The following NRXN1 variants were observed in gnomAD, a reference collection of about 807,000 sequenced individuals.
NRXN1 encodes neurexin-1.
NRXN1 carries 39 observed loss-of-function variants against 150.9 expected under a neutral mutation model. That is an observed-to-expected ratio of 0.26 (90% CI 0.20 to 0.34). NRXN1 has a LOEUF of 0.34. NRXN1 is among the 10% of genes least tolerant of loss of function. The pLI, the probability that NRXN1 is intolerant of heterozygous loss-of-function variation, is 1.00. For synonymous variants in NRXN1, 924 were observed against 757.0 expected, an observed-to-expected ratio of 1.22 and a Z score of -3.62; for missense variants, 1,815 against 1,949.9, an observed-to-expected ratio of 0.93 and a Z score of 1.30.
chr2:50,875,386 G>A (rs1336767297), intron 5 of NRXN1, among the ~76,000 whole-genome samples: 1 of 151,654 alleles, frequency 6.6e-6, no homozygotes, highest in South Asian at 2.1e-4. Flanking sequence ...CTCCAACCAT[G>A]AGACAATCCA....
In NRXN1 at chr2:50,179,528, G is replaced by C. The variant is rs73932975; in HGVS notation, c.3546+57261C>G. Among the ~76,000 whole-genome samples the C allele has an allele frequency of 8.9e-3, 1,349 of 152,202 alleles. 21 individuals carry two copies. Among genetic ancestry groups the C allele is most frequent in the African/African-American group, 0.031 (1,290 of 41,560 alleles). ...TTCCCCATCCCTTCTCTAAAGGTTA[G>C]CTGCTATTTTCTGAAAATGATATTG... On this transcript the variant is annotated intron_variant, in intron 18 of 22. Coordinates refer to ENST00000401669, the MANE Select transcript of NRXN1 (RefSeq NM_001330078.2).
At chr2:50,633,283 T>C (rs1682661872) in intron 5 of NRXN1, among the ~76,000 whole-genome samples, 1 of 152,084 alleles carries the variant, frequency 6.6e-6, no homozygotes, top group Non-Finnish European at 1.5e-5. Flanking sequence ...GCAAGAAATA[T>C]ATACTGCTAA....
intron 5 of NRXN1, among the ~76,000 whole-genome samples, chr2:50,894,263 A>C: frequency 6.7e-6 from 1 of 149,504 alleles, no homozygotes; most frequent in Non-Finnish European, 1.5e-5. Context: ...TAAATAAATA[A>C]ATAAATAAAT....
intron 17 of NRXN1, among the ~76,000 whole-genome samples, chr2:50,385,995 A>G (rs1306842360): frequency 1.3e-5 from 2 of 152,056 alleles, no homozygotes; most frequent in African/African-American, 4.8e-5. Flanking sequence ...ACTAAAATAA[A>G]TAACTAAATA....
intron 2 of NRXN1, among the ~76,000 whole-genome samples, chr2:51,003,907 T>G (rs1700373540): frequency 6.6e-6 from 1 of 151,960 alleles, no homozygotes; most frequent in South Asian, 2.1e-4. Context: ...CCATTTTAAC[T>G]GTCATCTTTT....
At chr2:50,376,224 A>G (rs1243740620) in intron 17 of NRXN1, among the ~76,000 whole-genome samples, 1 of 152,086 alleles carries the variant, frequency 6.6e-6, no homozygotes, top group Non-Finnish European at 1.5e-5. Flanking sequence ...GACACAGTAC[A>G]AGTATTTCCT....
intron 15 of NRXN1, among the ~76,000 whole-genome samples, chr2:50,492,476 T>C (rs1182312520): frequency 2.0e-5 from 3 of 152,184 alleles, no homozygotes; most frequent in East Asian, 3.8e-4. Flanking sequence ...TTCAAAGTTC[T>C]ACACTAAAGT....
At chr2:50,255,354 T>G (rs188646934) in intron 17 of NRXN1, among the ~76,000 whole-genome samples, 287 of 152,336 alleles carry the variant, frequency 1.9e-3, no homozygotes, top group Non-Finnish European at 3.6e-3. Context: ...CATGTGAAGA[T>G]TATAACTATG....
chr2:50,386,678 G>A (rs940039357), intron 17 of NRXN1, among the ~76,000 whole-genome samples: 3 of 152,136 alleles, frequency 2.0e-5, no homozygotes, highest in Non-Finnish European at 4.4e-5. Context: ...AGGATACCAA[G>A]TTGCAATGGA....
intron 2 of NRXN1, among the ~76,000 whole-genome samples, chr2:50,995,714 T>A (rs932732650): frequency 1.3e-5 from 2 of 151,412 alleles, no homozygotes; most frequent in Non-Finnish European, 2.9e-5. Flanking sequence ...TAGCACCCCA[T>A]CTAGTAGTTT....
chr2:50,760,577 G>A (rs926836833), intron 5 of NRXN1, among the ~76,000 whole-genome samples: 3 of 151,476 alleles, frequency 2.0e-5, no homozygotes, highest in Non-Finnish European at 2.9e-5. Context: ...CTCCTTTCTT[G>A]TTAAGGTACT....
intron 5 of NRXN1, among the ~76,000 whole-genome samples, chr2:50,635,582 G>T (rs746800112): frequency 1.3e-5 from 2 of 152,080 alleles, no homozygotes; most frequent in Admixed American, 6.5e-5. Context: ...TCATGCATTG[G>T]GAATGCAGAA....
intron 17 of NRXN1, among the ~76,000 whole-genome samples, chr2:50,426,212 T>C (rs2084474223): frequency 6.6e-6 from 1 of 152,218 alleles, no homozygotes; most frequent in Non-Finnish European, 1.5e-5. Flanking sequence ...AACTCTAGGA[T>C]AAAGCTGCAA....
chr2:50,336,051 C>T (rs917448325), intron 17 of NRXN1, among the ~76,000 whole-genome samples: 1 of 152,130 alleles, frequency 6.6e-6, no homozygotes, highest in Non-Finnish European at 1.5e-5. Flanking sequence ...CCAGGCAAAA[C>T]CAAGGCTCAG....
chr2:50,965,374 C>T (rs1007836123), intron 2 of NRXN1, among the ~76,000 whole-genome samples: 11 of 150,900 alleles, frequency 7.3e-5, no homozygotes, highest in Admixed American at 6.6e-4. Flanking sequence ...TAGATACTAT[C>T]CTGTTGACCA....
At chr2:50,386,479 CT>C (rs202039029) in intron 17 of NRXN1, among the ~76,000 whole-genome samples, 1,623 of 151,876 alleles carry the variant, frequency 0.011, 36 homozygotes, top group African/African-American at 0.038. Flanking sequence ...GAGCGGTTGT[CT>C]TTTTTTCAGC....
chr2:50,047,372 A>G (rs1282278623), intron 21 of NRXN1, among the ~76,000 whole-genome samples: 1 of 152,024 alleles, frequency 6.6e-6, no homozygotes, highest in Non-Finnish European at 1.5e-5. Context: ...TCTGCAGGAT[A>G]TGATTACACT....
At chr2:50,168,330 G>T (rs1157105014) in intron 18 of NRXN1, among the ~76,000 whole-genome samples, 1 of 152,096 alleles carries the variant, frequency 6.6e-6, no homozygotes, top group Non-Finnish European at 1.5e-5. Context: ...CACTAACTTG[G>T]GGGAATTACA....
At chr2:50,555,581 A>C (rs1378836555) in intron 8 of NRXN1, among the ~76,000 whole-genome samples, 1 of 152,222 alleles carries the variant, frequency 6.6e-6, no homozygotes, top group African/African-American at 2.4e-5. Context: ...TGCTCACCAC[A>C]GCGCAGCACC....
Sources: gnomAD v4.1 joint callset for allele counts (sites outside exome capture counted in the v4.1 genomes callset) on GRCh38, gnomAD v4.1.1 for gene constraint, MANE v1.5 for transcripts, NCBI Gene and HGNC (gene_info 2026-07-23, HGNC 2026-07-21) for gene names.